The following SPAG16 variants were observed in gnomAD, a reference collection of about 807,000 sequenced individuals.
SPAG16 encodes sperm-associated antigen 16 protein.
Under a neutral mutation model 80.4 loss-of-function variants are expected in SPAG16, and 86 were observed. The observed-to-expected ratio is 1.07, with a 90% CI of 0.90 to 1.28. The LOEUF is 1.28. Among genes scored for constraint, SPAG16 ranks in the 50% most tolerant of loss-of-function variants. The pLI is 0.00. For missense variants in SPAG16, 870 were observed against 765.3 expected (o/e 1.14, Z -1.61); for synonymous variants, 294 against 265.9 (o/e 1.11, Z -1.03).
chr2:214,284,631 A>G (rs566821616), intron 15 of SPAG16, among the ~76,000 whole-genome samples: 1 of 152,356 alleles, frequency 6.6e-6, no homozygotes, highest in East Asian at 1.9e-4. Context: ...GTTGAGATCT[A>G]CAGATGCAGA....
chr2:213,802,401 C>CTATCTATCTATA (rs2071468813), intron 10 of SPAG16, among the ~76,000 whole-genome samples: 1 of 86,784 alleles, frequency 1.2e-5, no homozygotes, highest in African/African-American at 3.3e-5. Flanking sequence ...ATGTCTCTAT[C>CTATCTATCTATA]TATCTATCTA....
At chr2:213,887,306 T>C (rs530562978) in intron 11 of SPAG16, among the ~76,000 whole-genome samples, 1 of 152,206 alleles carries the variant, frequency 6.6e-6, no homozygotes, top group Non-Finnish European at 1.5e-5. Context: ...TTCTTTCATC[T>C]CCAATCTGTG....
At chr2:213,968,525 C>T (rs1559640519) in intron 12 of SPAG16, among the ~76,000 whole-genome samples, 1 of 152,182 alleles carries the variant, frequency 6.6e-6, no homozygotes, top group Non-Finnish European at 1.5e-5. Context: ...TAGTATCAGG[C>T]TTCTGCTGAT....
At chr2:213,837,421 T>C (rs1249958809) in intron 10 of SPAG16, among the ~76,000 whole-genome samples, 1 of 152,238 alleles carries the variant, frequency 6.6e-6, no homozygotes, top group African/African-American at 2.4e-5. Context: ...TTATGCCAAA[T>C]GGTCCTTGTG....
intron 13 of SPAG16, among the ~76,000 whole-genome samples, chr2:214,064,366 T>A (rs1312680573): frequency 6.6e-6 from 1 of 152,106 alleles, no homozygotes; most frequent in Non-Finnish European, 1.5e-5. Flanking sequence ...ACTGGTAATG[T>A]CATAAAATAT....
chr2:213,639,626 T>A (rs1212694891), intron 10 of SPAG16, among the ~76,000 whole-genome samples: 3 of 152,320 alleles, frequency 2.0e-5, no homozygotes, highest in Non-Finnish European at 2.9e-5. Context: ...ATCTGATACA[T>A]TTTCCTTTGT....
chr2:213,818,573 G>A (rs1334099778), intron 10 of SPAG16, among the ~76,000 whole-genome samples: 1 of 151,982 alleles, frequency 6.6e-6, no homozygotes, highest in East Asian at 1.9e-4. Flanking sequence ...ATCTATTGTT[G>A]GTTCATTCCA....
intron 15 of SPAG16, among the ~76,000 whole-genome samples, chr2:214,375,605 T>G (rs1466491701): frequency 6.6e-6 from 1 of 152,160 alleles, no homozygotes; most frequent in Non-Finnish European, 1.5e-5. Flanking sequence ...AGCAATACTG[T>G]TCCTGAAATG....
At chr2:214,078,767 G>T (rs140398709) in intron 13 of SPAG16, among the ~76,000 whole-genome samples, 1 of 151,840 alleles carries the variant, frequency 6.6e-6, no homozygotes, top group Admixed American at 6.6e-5. Context: ...ATATCTTTAG[G>T]GGTTGTTGTT....
intron 15 of SPAG16, among the ~76,000 whole-genome samples, chr2:214,259,803 A>G (rs1313461154): frequency 6.6e-6 from 1 of 152,104 alleles, no homozygotes; most frequent in African/African-American, 2.4e-5. Flanking sequence ...GTGTGTTTGC[A>G]TTTGTCTTCT....
intron 9 of SPAG16, among the ~76,000 whole-genome samples, chr2:213,375,880 T>C (rs957493748): frequency 1.3e-5 from 2 of 151,202 alleles, no homozygotes; most frequent in Non-Finnish European, 3.0e-5. Context: ...ATGCCAATAA[T>C]TTTTTTTCTC....
rs1455250600 is a variant in SPAG16 at position 214,338,926 on chromosome 2, A to G, written c.1721-71214A>G. Among the ~76,000 whole-genome samples the G allele has an allele frequency of 1.3e-5, 2 of 152,222 alleles. 1 individual carries two copies. The highest frequency in any genetic ancestry group is 2.9e-5 in the Non-Finnish European group (2 of 68,030). ...CATCAGCTATGTATTTTGACACTTGATAGCATCCAGTTCAATGTTTTATTA... is the reference window on the plus strand; with the variant it reads ...CATCAGCTATGTATTTTGACACTTGGTAGCATCCAGTTCAATGTTTTATTA... On this transcript the variant is annotated intron_variant, in intron 15 of 15. Transcript: ENST00000331683.
At chr2:214,319,539 G>A (rs1695955772) in intron 15 of SPAG16, among the ~76,000 whole-genome samples, 1 of 151,720 alleles carries the variant, frequency 6.6e-6, no homozygotes, top group South Asian at 2.1e-4. Context: ...AATTAATGAA[G>A]GACTATCTAT....
intron 11 of SPAG16, among the ~76,000 whole-genome samples, chr2:213,927,223 C>T (rs796886407): frequency 3.9e-5 from 6 of 152,280 alleles, no homozygotes; most frequent in African/African-American, 9.6e-5. Context: ...GCCCTACCTC[C>T]GAATACTGCC....
chr2:213,482,076 CA>C (rs1350636387), intron 9 of SPAG16, among the ~76,000 whole-genome samples: 2 of 152,184 alleles, frequency 1.3e-5, no homozygotes, highest in Non-Finnish European at 2.9e-5. Context: ...GGTGTCTGCA[CA>C]AAAACCCAAC....
intron 6 of SPAG16, among the ~76,000 whole-genome samples, chr2:213,344,386 T>C (rs2064853924): frequency 6.6e-6 from 1 of 150,598 alleles, no homozygotes; most frequent in Admixed American, 6.6e-5. Context: ...GTTTTTTTCT[T>C]TTTTTTTTGT....
Position 213,413,216 on chromosome 2 carries a change from T to C in SPAG16, c.942+38097T>C, listed in dbSNP as rs115195689. Among the ~76,000 whole-genome samples the C allele has an allele frequency of 8.8e-3, 1,346 of 152,304 alleles. 15 individuals are homozygous for C. Among genetic ancestry groups the C allele is most frequent in the African/African-American group, 0.03 (1,230 of 41,586 alleles). ...ATGTTTTCTAGAGAAAATGCTATGC[T>C]ATTTCATAGAAGTTCATGTGTGTCA... On this transcript the variant is annotated intron_variant, in intron 9 of 15. Transcript: ENST00000331683.
intron 15 of SPAG16, among the ~76,000 whole-genome samples, chr2:214,249,769 A>G (rs957681868): frequency 6.6e-6 from 1 of 152,168 alleles, no homozygotes; most frequent in African/African-American, 2.4e-5. Context: ...AATTTTTAAA[A>G]TTATAAATAT....
At chr2:213,402,186 A>C (rs1414529637) in intron 9 of SPAG16, among the ~76,000 whole-genome samples, 2 of 151,960 alleles carry the variant, frequency 1.3e-5, no homozygotes, top group Admixed American at 1.3e-4. Context: ...TATTTCATGG[A>C]CTGTATTATG....
Sources: allele counts gnomAD v4.1 joint callset (sites outside exome capture counted in the v4.1 genomes callset), GRCh38; gene constraint gnomAD v4.1.1; transcripts MANE v1.5; gene names NCBI Gene and HGNC (gene_info 2026-07-23, HGNC 2026-07-21).